MAD2L2: variants seen among roughly 807,000 people sequenced by gnomAD.
The protein encoded by MAD2L2 is mitotic arrest deficient 2 like 2, also known as mitotic spindle assembly checkpoint protein MAD2B.
A neutral mutation model predicts 30.5 loss-of-function variants in MAD2L2; 17 were observed. The observed-to-expected ratio is 0.56, with a 90% CI of 0.38 to 0.84. The LOEUF (loss-of-function observed/expected upper bound fraction) is 0.84. Among genes scored for constraint, MAD2L2 ranks in the 40% least tolerant of loss-of-function variants. The pLI is 0.00. For synonymous variants in MAD2L2, 101 were observed against 113.9 expected (o/e 0.89, Z 0.72); for missense variants, 213 against 277.4 (o/e 0.77, Z 1.65).
Position 11,690,967 on chromosome 1 carries a change from G to A in MAD2L2, c.-692+446C>T, listed in dbSNP as rs1419587374. On this transcript the variant is annotated intron_variant, in intron 1 of 10. Coordinates refer to the MAD2L2 transcript ENST00000235310. This position sits in a 1 kb window ranked among gnomAD's most constrained non-coding sequence, Gnocchi z 4.2. ...GTGTGTTTGTGTGTGTGTGTATTGG[G>A]GCGGTTGTCTTTCTCCCTTCCCTAC... 1.3e-5 allele frequency among the ~76,000 whole-genome samples: 2 copies of A among 152,054 alleles called. No homozygotes were observed. The highest frequency in any genetic ancestry group is 1.5e-5 in the Non-Finnish European group (1 of 67,994).
rs1483509629 is a variant in MAD2L2, at chr1:11,676,104, G to A, written c.369C>T (p.Leu123=). ...DSLLSHVEQL[L]RAFILKISVC... ...CGCTGATCTTCAGGATGAAGGCCCGGAGCAGCTGCTCCACATGAGACAACA... is the reference window on the plus strand; with the variant it reads ...CGCTGATCTTCAGGATGAAGGCCCGAAGCAGCTGCTCCACATGAGACAACA... The change falls in exon 6 of 9, where the codon CTC becomes CTT. Residue 123 remains leucine, a synonymous_variant. Coordinates refer to ENST00000376692, the MANE Select transcript of MAD2L2 (RefSeq NM_006341.4). 1 of 1,611,160 alleles carries A rather than the reference G, an allele frequency of 6.2e-7. No homozygotes were observed. The highest frequency in any genetic ancestry group is 1.7e-5 in the Admixed American group (1 of 59,938).
At chr1:11,675,376 G>A (rs969388293) in intron 7 of MAD2L2, among the ~76,000 whole-genome samples, 3 of 152,176 alleles carry the variant, frequency 2.0e-5, no homozygotes, top group Non-Finnish European at 4.4e-5. Flanking sequence ...ACAGGCTCCA[G>A]GCACCAACGC....
chr1:11,686,930 C>T (rs1640967720), intron 1 of MAD2L2, among the ~76,000 whole-genome samples: 1 of 151,972 alleles, frequency 6.6e-6, no homozygotes, highest in South Asian at 2.1e-4. Context: ...TACATCGCTA[C>T]TCTCTAATTC....
upstream of MAD2L2, among the ~76,000 whole-genome samples, chr1:11,685,626 C>A (rs1640944081): frequency 1.3e-5 from 2 of 152,160 alleles, no homozygotes; most frequent in Admixed American, 1.3e-4. Context: ...GAGCAAAGAG[C>A]AAATGTTTAT....
rs1264410448 is a variant in MAD2L2 at position 11,680,226 on chromosome 1, C to T, written c.159+127G>A. 5.5e-5 allele frequency: 39 copies of T among 704,246 alleles called. 1 individual carries two copies. The highest frequency in any genetic ancestry group is 5.0e-4 in the South Asian group (29 of 57,432). 43.6% of individuals were successfully genotyped at this position (704,246 alleles called of 1,614,324 possible). ...TGTCAGGCTGGTCTCGAACTCCTGACCTCAGGTGATCCGCCCGCCTCGGCC... is the reference window on the plus strand; with the variant it reads ...TGTCAGGCTGGTCTCGAACTCCTGATCTCAGGTGATCCGCCCGCCTCGGCC... On this transcript the variant is annotated intron_variant, in intron 3 of 8. Transcript: ENST00000376692.
In MAD2L2 at chr1:11,674,496, G is replaced by C. The variant is rs912612304; in HGVS notation, c.*279C>G. The C allele has an allele frequency of 5.2e-6, 2 of 386,402 alleles. No homozygotes were observed. Among genetic ancestry groups the C allele is most frequent in the South Asian group, 6.1e-5 (2 of 32,640 alleles). The allele number at this position is 386,402 out of a possible 1,614,324, so 23.9% of individuals were successfully genotyped here. On this transcript the variant is annotated 3_prime_UTR_variant, in exon 9 of 9. Coordinates refer to ENST00000376692, the MANE Select transcript of MAD2L2 (RefSeq NM_006341.4). The surrounding 1 kb of genome is among the most constrained non-coding windows in gnomAD (Gnocchi z 6.1). ...TGGCTCAGCTCAGCCCAGCCCTTGGGGCCCCTTTATTGAAACAACTCACAG... is the reference window on the plus strand; with the variant it reads ...TGGCTCAGCTCAGCCCAGCCCTTGGCGCCCCTTTATTGAAACAACTCACAG...
chr1:11,679,567 C>T (rs1479234581), intron 3 of MAD2L2, among the ~76,000 whole-genome samples: 1 of 148,886 alleles, frequency 6.7e-6, no homozygotes, highest in East Asian at 2.0e-4. Flanking sequence ...TGCTCTGTCG[C>T]CCAGGCTGGA....
chr1:11,674,642 C>G lies in MAD2L2; in HGVS notation c.*133G>C. Reference sequence around the variant, plus strand: ...TCCTCCAAGCAGACCTGAGCGGCCCCGGGCTGGGGCGGGCGATCCACACAC... The same window carrying G: ...TCCTCCAAGCAGACCTGAGCGGCCCGGGGCTGGGGCGGGCGATCCACACAC... On this transcript the variant is annotated 3_prime_UTR_variant, in exon 9 of 9. Coordinates refer to ENST00000376692, the MANE Select transcript of MAD2L2 (RefSeq NM_006341.4). This position sits in a 1 kb window ranked among gnomAD's most constrained non-coding sequence, Gnocchi z 6.1. 2.1e-6 allele frequency: 2 copies of G among 961,294 alleles called. No homozygotes were observed. Among genetic ancestry groups the G allele is most frequent in the Non-Finnish European group, 3.2e-6 (2 of 620,146 alleles). The allele number at this position is 961,294 out of a possible 1,614,324, so 59.5% of individuals were successfully genotyped here.
At chr1:11,677,386 G>C in intron 4 of MAD2L2, 157 bp downstream of exon 4, 2 of 732,324 alleles carry the variant, frequency 2.7e-6, no homozygotes, top group Admixed American at 2.7e-5. Context: ...CCTGGGTTGG[G>C]ATGGTCTCCA....
chr1:11,681,856 C>G (rs1253911537), upstream of MAD2L2: 2 of 152,122 alleles, frequency 1.3e-5, no homozygotes, highest in African/African-American at 2.4e-5. Context: ...ACAGATAAGT[C>G]AAGCGAGGTG....
chr1:11,677,320 C>T, intron 4 of MAD2L2: 2 of 600,668 alleles, frequency 3.3e-6, no homozygotes, highest in Non-Finnish European at 5.9e-6. Flanking sequence ...CAGCTCCAAC[C>T]CGGGCTCCCA....
rs568513319 is a variant in MAD2L2, at chr1:11,677,633, G to C, written c.160-19C>G. 27 of 1,604,742 alleles carry C rather than the reference G, an allele frequency of 1.7e-5. No homozygotes were observed. The highest frequency in any genetic ancestry group is 5.0e-5 in the Admixed American group (3 of 59,784). On this transcript the variant is annotated intron_variant, in intron 3 of 8. Transcript: ENST00000376692. Reference sequence around the variant, plus strand: ...AGGACATCTGCACACAATACCATGCGGCTCGTGAGGCCCAAAGCACAGATG... The same window carrying C: ...AGGACATCTGCACACAATACCATGCCGCTCGTGAGGCCCAAAGCACAGATG...
chr1:11,674,642 C>T lies in MAD2L2; in HGVS notation c.*133G>A, dbSNP rs183103774. On this transcript the variant is annotated 3_prime_UTR_variant, in exon 9 of 9. Coordinates refer to ENST00000376692, the MANE Select transcript of MAD2L2 (RefSeq NM_006341.4). This position sits in a 1 kb window ranked among gnomAD's most constrained non-coding sequence, Gnocchi z 6.1. ...TCCTCCAAGCAGACCTGAGCGGCCCCGGGCTGGGGCGGGCGATCCACACAC... is the reference window on the plus strand; with the variant it reads ...TCCTCCAAGCAGACCTGAGCGGCCCTGGGCTGGGGCGGGCGATCCACACAC... 1.8e-5 allele frequency: 17 copies of T among 961,296 alleles called. No homozygotes were observed. Among genetic ancestry groups the T allele is most frequent in the East Asian group, 2.5e-5 (1 of 40,674 alleles). 59.5% of individuals were successfully genotyped at this position (961,296 alleles called of 1,614,324 possible).
rs1640978797 is a variant in MAD2L2 at position 11,687,407 on chromosome 1, T to A, written c.-692+4006A>T. Among the ~76,000 whole-genome samples, 1 of 152,212 alleles carries A rather than the reference T, an allele frequency of 6.6e-6. No individual in the cohort carries two copies. Among genetic ancestry groups the A allele is most frequent in the African/African-American group, 2.4e-5 (1 of 41,454 alleles). On this transcript the variant is annotated intron_variant, in intron 1 of 10. Transcript: ENST00000235310. This position sits in a 1 kb window ranked among gnomAD's most constrained non-coding sequence, Gnocchi z 4.1. ...GGCGACCTCCATCACGCTTGGCTAA[T>A]TTTTAAATTTTTAGTAGACATGAGG...
At position 11,687,687 on chromosome 1, in the gene MAD2L2, A is replaced by G. The variant is rs947576328; in HGVS notation, c.-692+3726T>C. ...CACTGCGCCTGACCTGGACTTGCCA[A>G]TACGGAACATTCCATATAAAAGTAA... On this transcript the variant is annotated intron_variant, in intron 1 of 10. Coordinates refer to the MAD2L2 transcript ENST00000235310. This position sits in a 1 kb window ranked among gnomAD's most constrained non-coding sequence, Gnocchi z 4.1. 6.6e-6 allele frequency among the ~76,000 whole-genome samples: 1 copy of G among 152,238 alleles called. No individual in the cohort carries two copies. Among genetic ancestry groups the G allele is most frequent in the Non-Finnish European group, 1.5e-5 (1 of 68,040 alleles).
exon 1 of MAD2L2, chr1:11,691,515 C>A (rs1641065517): frequency 6.6e-6 from 1 of 152,050 alleles, no homozygotes; most frequent in African/African-American, 2.4e-5. Context: ...GGCGGCGGCG[C>A]CTAGGCCTCT....
intron 1 of MAD2L2, among the ~76,000 whole-genome samples, chr1:11,689,696 C>A (rs905254705): frequency 5.3e-5 from 8 of 152,148 alleles, no homozygotes; most frequent in Non-Finnish European, 1.0e-4. Flanking sequence ...AACCAGCAAC[C>A]CTTGGTGCTG....
At chr1:11,680,683 G>A (rs1640858791) in intron 1 of MAD2L2, 70 bp from the exon 2 acceptor site, 1 of 1,498,758 alleles carries the variant, frequency 6.7e-7, no homozygotes, top group Non-Finnish European at 8.9e-7. Flanking sequence ...CGCTTCCACC[G>A]TCTCTTCCCT....
At chr1:11,682,247 C>A (rs914383778), upstream of MAD2L2, among the ~76,000 whole-genome samples, 1 of 152,132 alleles carries the variant, frequency 6.6e-6, no homozygotes, top group Non-Finnish European at 1.5e-5. Context: ...ATTTACAGCC[C>A]CCTTATTTTA....
Sources: gnomAD v4.1 joint callset for allele counts (sites outside exome capture counted in the v4.1 genomes callset) on GRCh38, gnomAD v4.1.1 for gene constraint, Gnocchi (gnomAD v3.1) non-coding constraint, MANE v1.5 for transcripts, NCBI Gene and HGNC (gene_info 2026-07-23, HGNC 2026-07-21) for gene names.